Variants in PTPRD observed in about 807,000 individuals in gnomAD.
PTPRD encodes the protein receptor-type tyrosine-protein phosphatase delta.
Under a neutral mutation model 214.5 loss-of-function variants are expected in PTPRD, and 34 were observed. That is an observed-to-expected ratio of 0.16 (90% CI 0.12 to 0.21). The LOEUF is 0.21. PTPRD is among the 10% of genes least tolerant of loss of function. PTPRD has a pLI of 1.00. For synonymous variants in PTPRD, 1,128 were observed against 845.7 expected (o/e 1.33, Z -5.79); for missense variants, 2,545 against 2,398.7 (o/e 1.06, Z -1.27).
chr9:9,679,649 G>T (rs899890098), intron 7 of PTPRD, among the ~76,000 whole-genome samples: 2 of 151,812 alleles, frequency 1.3e-5, no homozygotes, highest in African/African-American at 4.8e-5. Flanking sequence ...TATAGACCAG[G>T]TCAAAGTAGC....
chr9:10,020,292 A>T (rs34528859), intron 4 of PTPRD, among the ~76,000 whole-genome samples: 1 of 152,212 alleles, frequency 6.6e-6, no homozygotes, highest in East Asian at 1.9e-4. Context: ...TCAATACAAT[A>T]TTAGTTTCTT....
At chr9:8,519,898 C>T (rs1292693327) in intron 20 of PTPRD, among the ~76,000 whole-genome samples, 1 of 152,086 alleles carries the variant, frequency 6.6e-6, no homozygotes, top group Non-Finnish European at 1.5e-5. Context: ...AGGTCTTCAG[C>T]AAGCCTTCAA....
At chr9:9,727,565 C>T (rs2098117173) in intron 7 of PTPRD, among the ~76,000 whole-genome samples, 1 of 152,284 alleles carries the variant, frequency 6.6e-6, no homozygotes. Flanking sequence ...GATCACTCTT[C>T]CATGTAGTCC....
intron 11 of PTPRD, among the ~76,000 whole-genome samples, chr9:9,005,158 G>A (rs2099454970): frequency 6.6e-6 from 1 of 152,020 alleles, no homozygotes. Context: ...AGCTCAACTA[G>A]CTTAGAGGAG....
At chr9:9,154,196 T>C (rs576116141) in intron 10 of PTPRD, among the ~76,000 whole-genome samples, 89 of 152,192 alleles carry the variant, frequency 5.8e-4, no homozygotes, top group Non-Finnish European at 1.0e-3. Flanking sequence ...AATGCCACAA[T>C]GAATTACAGA....
intron 11 of PTPRD, among the ~76,000 whole-genome samples, chr9:8,865,560 T>C (rs1463884670): frequency 6.6e-6 from 1 of 152,178 alleles, no homozygotes; most frequent in Non-Finnish European, 1.5e-5. Flanking sequence ...CTCATTCTTT[T>C]CCTTTTCTTC....
At chr9:9,903,497 A>C (rs1449257211) in intron 5 of PTPRD, among the ~76,000 whole-genome samples, 7 of 152,114 alleles carry the variant, frequency 4.6e-5, no homozygotes, top group African/African-American at 1.4e-4. Context: ...CCCAATAAAT[A>C]ATGGGTATTT....
At chr9:9,457,425 T>C (rs959740282) in intron 8 of PTPRD, among the ~76,000 whole-genome samples, 8 of 152,034 alleles carry the variant, frequency 5.3e-5, no homozygotes, top group Non-Finnish European at 8.8e-5. Context: ...GAAAGTTTAA[T>C]AATGGCTGAA....
rs560587132 is a variant in PTPRD, at chr9:8,881,532, A to G, written c.-104+137165T>C. On this transcript the variant is annotated intron_variant, in intron 11 of 45. Coordinates refer to ENST00000381196, the MANE Select transcript of PTPRD (RefSeq NM_002839.4). ...TGGAAGGGGTTTACTATACATCACA[A>G]TGTACTGATATATTTACAGTGGTAT... 1.1e-4 allele frequency among the ~76,000 whole-genome samples: 16 copies of G among 152,314 alleles called. 1 individual carries two copies. In the South Asian group the frequency reaches 3.1e-3, roughly 30 times the overall value.
intron 7 of PTPRD, among the ~76,000 whole-genome samples, chr9:9,682,654 C>G (rs2097096487): frequency 6.6e-6 from 1 of 151,608 alleles, no homozygotes; most frequent in Admixed American, 6.6e-5. Flanking sequence ...AGTCTCTGTC[C>G]AGGTGTTGGT....
intron 35 of PTPRD, among the ~76,000 whole-genome samples, chr9:8,414,930 GGAGA>G (rs58529453): frequency 0.044 from 2,157 of 49,114 alleles, 40 homozygotes; most frequent in South Asian, 0.081. Context: ...AGAGGGAGGG[GGAGA>G]GAGAGAGAGA....
At chr9:9,355,125 T>C (rs918596701) in intron 9 of PTPRD, among the ~76,000 whole-genome samples, 10 of 151,804 alleles carry the variant, frequency 6.6e-5, no homozygotes, top group South Asian at 2.1e-4. Flanking sequence ...GAGTGTGGTA[T>C]ACACTTGTGT....
intron 25 of PTPRD, among the ~76,000 whole-genome samples, chr9:8,497,674 T>A (rs1014662587): frequency 6.6e-6 from 1 of 152,086 alleles, no homozygotes; most frequent in African/African-American, 2.4e-5. Flanking sequence ...TCCTGTGAGA[T>A]GTAATGAAAT....
At chr9:9,700,061 T>G (rs1437500549) in intron 7 of PTPRD, among the ~76,000 whole-genome samples, 1 of 152,182 alleles carries the variant, frequency 6.6e-6, no homozygotes, top group Non-Finnish European at 1.5e-5. Flanking sequence ...GTGAAATTCC[T>G]TAAATATGAT....
chr9:9,882,733 C>G (rs113856977), intron 5 of PTPRD, among the ~76,000 whole-genome samples: 2 of 152,164 alleles, frequency 1.3e-5, no homozygotes, highest in African/African-American at 2.4e-5. Flanking sequence ...CCCAACCCCC[C>G]TATACACCCC....
At chr9:9,510,782 T>C (rs1451972820) in intron 8 of PTPRD, among the ~76,000 whole-genome samples, 1 of 151,588 alleles carries the variant, frequency 6.6e-6, no homozygotes, top group East Asian at 1.9e-4. Context: ...TATAATAAAA[T>C]AAAATAGTGG....
chr9:9,090,883 G>A, intron 10 of PTPRD: 2 of 1,050,586 alleles, frequency 1.9e-6, no homozygotes, highest in East Asian at 2.4e-5. Context: ...GCTGTCTCCG[G>A]TCCGTGCCTC....
intron 9 of PTPRD, among the ~76,000 whole-genome samples, chr9:9,347,995 T>C (rs1402612620): frequency 6.6e-6 from 1 of 152,158 alleles, no homozygotes. Context: ...AGAGAGTATG[T>C]CACCAAATTT....
chr9:9,330,905 CTTT>C (rs76927520), intron 9 of PTPRD, among the ~76,000 whole-genome samples: 17 of 140,176 alleles, frequency 1.2e-4, no homozygotes, highest in African/African-American at 4.2e-4. Flanking sequence ...AAAAGAAGAG[CTTT>C]TTTTTTTTTT....
Sources: gnomAD v4.1 joint callset for allele counts (sites outside exome capture counted in the v4.1 genomes callset) on GRCh38, gnomAD v4.1.1 for gene constraint, MANE v1.5 for transcripts, NCBI Gene and HGNC (gene_info 2026-07-23, HGNC 2026-07-21) for gene names.